Variants in DOC2B observed in about 807,000 individuals in gnomAD.
The protein encoded by DOC2B is double C2 domain beta.
Under a neutral mutation model 28.9 loss-of-function variants are expected in DOC2B, and 21 were observed. The observed-to-expected ratio is 0.73, with a 90% CI of 0.52 to 1.05. The LOEUF is 1.05. Among genes scored for constraint, DOC2B ranks in the 50% least tolerant of loss-of-function variants. The pLI, the probability that DOC2B is intolerant of heterozygous loss-of-function variation, is 0.00. For synonymous variants in DOC2B, 194 were observed against 178.1 expected (o/e 1.09, Z -0.71); for missense variants, 384 against 421.1 (o/e 0.91, Z 0.77).
chr17:169,316 G>T (rs2040285315), intron 2 of DOC2B, among the ~76,000 whole-genome samples: 1 of 151,934 alleles, frequency 6.6e-6, no homozygotes, highest in Non-Finnish European at 1.5e-5. Flanking sequence ...AATCCATAGA[G>T]AAGGAAGCCA....
In DOC2B at chr17:172,612, G is replaced by A; in HGVS notation, c.378C>T (p.Ala126=). Residue 126 remains alanine (A), a synonymous_variant, in exon 2 of 9, where the codon GCC becomes GCT. Transcript: ENST00000613549. ...ADGYESDDCT[A]LGTLDFSLLY... ...GCAGGCTGAAGTCCAGCGTGCCCAG[G>A]GCAGCTGCGGACAGAGGAGGGCACA... is the stretch of plus-strand genomic sequence containing the variant. 1.3e-6 allele frequency: 2 copies of A among 1,550,466 alleles called. No individual in the cohort carries two copies. Among genetic ancestry groups the A allele is most frequent in the South Asian group, 1.2e-5 (1 of 84,006 alleles).
In DOC2B at chr17:146,241, G is replaced by C. The variant is rs1020641525; in HGVS notation, c.*1200C>G. 2 of 152,404 alleles carry C rather than the reference G, an allele frequency of 1.3e-5. No homozygotes were observed. The highest frequency in any genetic ancestry group is 2.9e-5 in the Non-Finnish European group (2 of 68,194). 9.4% of individuals were successfully genotyped at this position (152,404 alleles called of 1,614,324 possible). A position where few individuals can be genotyped will look rare whatever the true frequency, so the allele number is the denominator to read the frequency against. The stretch of plus-strand genomic sequence containing the variant: ...AGTGGGACCAAGATGCCACGAGCAA[G>C]CACCCGGAGGCCCCCAGTGTGAGCC... On this transcript the variant is annotated 3_prime_UTR_variant, in exon 9 of 9. Coordinates refer to ENST00000613549, the MANE Select transcript of DOC2B (RefSeq NM_003585.5).
chr17:149,285 G>C lies in DOC2B; in HGVS notation c.924-93C>G. 7.5e-6 allele frequency: 3 copies of C among 398,558 alleles called. No homozygotes were observed. The Admixed American group carries it at 1.3e-4, about 18-fold the overall frequency. 24.7% of individuals were successfully genotyped at this position (398,558 alleles called of 1,614,324 possible). ...GTATTCAAAGAGCTTTCTGTCCCTG[G>C]AGAGAGATTCCTGGGCCCTTCTTTT... On this transcript the variant is annotated intron_variant, in intron 6 of 8. Coordinates refer to ENST00000613549, the MANE Select transcript of DOC2B (RefSeq NM_003585.5).
chr17:160,598 A>G (rs113719856), intron 5 of DOC2B, among the ~76,000 whole-genome samples: 7 of 152,272 alleles, frequency 4.6e-5, no homozygotes, highest in African/African-American at 1.7e-4. Context: ...CGAGGGGACC[A>G]TGCCTCCGCC....
Position 181,382 on chromosome 17 carries a change from A to T in DOC2B, c.98T>A (p.Ile33Asn). Residue 33 changes from isoleucine (I) to asparagine (N), a missense_variant, in exon 1 of 9, where the codon ATC (isoleucine) becomes AAC (asparagine). Transcript: ENST00000613549. The surrounding 1 kb of genome is among the most constrained non-coding windows in gnomAD (Gnocchi z 7.0). Reference sequence around the variant, plus strand: ...CGGGAAGCGGGGGAAGTAGTCGGAGATCTGCTTGATGGGACGGATGGGGCC... The same window carrying T: ...CGGGAAGCGGGGGAAGTAGTCGGAGTTCTGCTTGATGGGACGGATGGGGCC... ...CPGPIRPIKQISDYFPRFPRG... is the reference protein window; with the variant it reads ...CPGPIRPIKQNSDYFPRFPRG... 2 of 1,149,858 alleles carry T rather than the reference A, an allele frequency of 1.7e-6. No homozygotes were observed. The highest frequency in any genetic ancestry group is 3.5e-4 in the Middle Eastern group (1 of 2,834). The allele number at this position is 1,149,858 out of a possible 1,614,324, so 71.2% of individuals were successfully genotyped here. A position where few individuals can be genotyped will look rare whatever the true frequency, so the allele number is the denominator to read the frequency against.
intron 5 of DOC2B, among the ~76,000 whole-genome samples, chr17:156,659 G>A (rs552089244): frequency 6.6e-6 from 1 of 152,378 alleles, no homozygotes; most frequent in Admixed American, 6.5e-5. Flanking sequence ...GTTGGCAACT[G>A]CAGCCCGGGG....
chr17:152,801 A>G (rs2040086471), intron 6 of DOC2B, among the ~76,000 whole-genome samples: 1 of 152,138 alleles, frequency 6.6e-6, no homozygotes, highest in Non-Finnish European at 1.5e-5. Flanking sequence ...AAGAAAACAA[A>G]TAAAAATAAT....
chr17:149,011 A>C (rs1293162127), intron 7 of DOC2B, 100 bp downstream of exon 7: 5 of 367,528 alleles, frequency 1.4e-5, no homozygotes, highest in African/African-American at 2.4e-5. Context: ...GTCTCTGACC[A>C]CCCTCCCCAT....
At chr17:179,428 C>T (rs573443731) in intron 1 of DOC2B, among the ~76,000 whole-genome samples, 1 of 149,826 alleles carries the variant, frequency 6.7e-6, no homozygotes, top group Non-Finnish European at 1.5e-5. Context: ...AGCCTCTTGG[C>T]CATTCGCCAT....
chr17:144,403 G>A lies in DOC2B; in HGVS notation c.*3038C>T, dbSNP rs2040005750. 6.6e-6 allele frequency: 1 copy of A among 152,172 alleles called. No individual in the cohort carries two copies. The highest frequency in any genetic ancestry group is 2.4e-5 in the African/African-American group (1 of 41,430). The allele number at this position is 152,172 out of a possible 1,614,324, so 9.4% of individuals were successfully genotyped here. On this transcript the variant is annotated 3_prime_UTR_variant, in exon 9 of 9. Transcript: ENST00000613549. ...CCTCCCTGAGTAGCTGGGACTACAG[G>A]CGTGCGCCACCACACCCGGCTAATT...
At position 146,019 on chromosome 17, in the gene DOC2B, G is replaced by T. The variant is rs1028027809; in HGVS notation, c.*1422C>A. The T allele has an allele frequency of 1.3e-5, 2 of 152,350 alleles. No individual in the cohort carries two copies. The highest frequency in any genetic ancestry group is 2.9e-5 in the Non-Finnish European group (2 of 68,118). 9.4% of individuals were successfully genotyped at this position (152,350 alleles called of 1,614,324 possible). ...GGCCCTTGGTAGGCAGAGAAAGTTTGTGGGCTTCAGGCATGGGCCCCAAGA... is the reference window on the plus strand; with the variant it reads ...GGCCCTTGGTAGGCAGAGAAAGTTTTTGGGCTTCAGGCATGGGCCCCAAGA... On this transcript the variant is annotated 3_prime_UTR_variant, in exon 9 of 9. Coordinates refer to ENST00000613549, the MANE Select transcript of DOC2B (RefSeq NM_003585.5).
Position 181,488 on chromosome 17 carries a change from C to T in DOC2B, c.-9G>A. 9.8e-7 allele frequency: 1 copy of T among 1,025,612 alleles called. No individual in the cohort carries two copies. The highest frequency in any genetic ancestry group is 1.2e-6 in the Non-Finnish European group (1 of 858,546). 63.5% of individuals were successfully genotyped at this position (1,025,612 alleles called of 1,614,324 possible). On this transcript the variant is annotated 5_prime_UTR_variant, in exon 1 of 9. Transcript: ENST00000613549. This position sits in a 1 kb window ranked among gnomAD's most constrained non-coding sequence, Gnocchi z 7.0. The stretch of plus-strand genomic sequence containing the variant: ...CGCCGCCGGAGGGTCATGCAGGCAG[C>T]GCCGCCCCGCCCCGGGCGCGGCCCG...
At position 147,238 on chromosome 17, in the gene DOC2B, C is replaced by T. The variant is rs958237486; in HGVS notation, c.*203G>A. 3 of 393,686 alleles carry T rather than the reference C, an allele frequency of 7.6e-6. No homozygotes were observed. The highest frequency in any genetic ancestry group is 4.1e-5 in the African/African-American group (2 of 48,526). The allele number at this position is 393,686 out of a possible 1,614,324, so 24.4% of individuals were successfully genotyped here. A position where few individuals can be genotyped will look rare whatever the true frequency, so the allele number is the denominator to read the frequency against. ...GGGCCCCAGAGAGCTGAGAGCCCCC[C>T]ACCCCAGCTCCTTGCCCTCCCCGTC... On this transcript the variant is annotated 3_prime_UTR_variant, in exon 9 of 9. Coordinates refer to ENST00000613549, the MANE Select transcript of DOC2B (RefSeq NM_003585.5).
intron 1 of DOC2B, among the ~76,000 whole-genome samples, chr17:177,677 CATTCTTGTAT>C (rs2040386288): frequency 6.6e-6 from 1 of 152,274 alleles, no homozygotes; most frequent in Non-Finnish European, 1.5e-5. Context: ...TGCCTCTCAG[CATTCTTGTAT>C]CTCTGTGCCT....
intron 3 of DOC2B, among the ~76,000 whole-genome samples, chr17:162,744 C>G (rs1239083808): frequency 1.3e-5 from 2 of 152,212 alleles, no homozygotes; most frequent in African/African-American, 4.8e-5. Flanking sequence ...CAAGGAGGAC[C>G]CCACCTCCAG....
At chr17:157,670 C>T (rs2040151393) in intron 5 of DOC2B, among the ~76,000 whole-genome samples, 1 of 152,202 alleles carries the variant, frequency 6.6e-6, no homozygotes, top group Non-Finnish European at 1.5e-5. Flanking sequence ...TCTCGAATTC[C>T]TGACCTCAAG....
At chr17:158,870 C>T (rs192235327) in intron 5 of DOC2B, among the ~76,000 whole-genome samples, 21 of 152,100 alleles carry the variant, frequency 1.4e-4, no homozygotes, top group Admixed American at 1.3e-3. Context: ...CATGGTGAAA[C>T]CCCATCTCTA....
intron 6 of DOC2B, among the ~76,000 whole-genome samples, chr17:153,068 C>T (rs1175746250): frequency 6.6e-6 from 1 of 152,142 alleles, no homozygotes; most frequent in Non-Finnish European, 1.5e-5. Context: ...GTGTCTCACC[C>T]AGGGTGTCTG....
In DOC2B at chr17:176,058, C is replaced by T. The variant is rs780693789; in HGVS notation, c.374-3442G>A. ...TCTTACGGAGCACATGGCCCAAACT[C>T]TTCATTTCCCTTTAGAGAAATGAGG... is the stretch of plus-strand genomic sequence containing the variant. On this transcript the variant is annotated intron_variant, in intron 1 of 8. Coordinates refer to ENST00000613549, the MANE Select transcript of DOC2B (RefSeq NM_003585.5). Among the ~76,000 whole-genome samples, 20 of 152,326 alleles carry T rather than the reference C, an allele frequency of 1.3e-4. 1 individual carries two copies. Among genetic ancestry groups the T allele is most frequent in the African/African-American group, 4.6e-4 (19 of 41,574 alleles).
Sources: gnomAD v4.1 joint callset for allele counts (sites outside exome capture counted in the v4.1 genomes callset) on GRCh38, gnomAD v4.1.1 for gene constraint, Gnocchi (gnomAD v3.1) non-coding constraint, MANE v1.5 for transcripts, NCBI Gene and HGNC (gene_info 2026-07-23, HGNC 2026-07-21) for gene names.